AGO2: variants seen among roughly 807,000 people sequenced by gnomAD.
AGO2 encodes the protein protein argonaute-2.
In AGO2, 5 loss-of-function variants were observed where a neutral mutation model predicts 102.3. The ratio of observed to expected loss-of-function variants is 0.05; its 90% CI spans 0.03 to 0.10. The LOEUF is 0.10. Ranked by LOEUF, AGO2 falls within the 10% of genes least tolerant of loss-of-function variation. AGO2 has a pLI of 1.00. For synonymous variants in AGO2, 449 were observed against 473.1 expected, an observed-to-expected ratio of 0.95 and a Z score of 0.66; for missense variants, 541 against 1,183.7, an observed-to-expected ratio of 0.46 and a Z score of 7.97.
chr8:140,561,576 G>T (rs2073203011), intron 4 of AGO2, among the ~76,000 whole-genome samples: 1 of 152,156 alleles, frequency 6.6e-6, no homozygotes, highest in East Asian at 1.9e-4. Context: ...GATTACACGT[G>T]GGGGAAGGTG....
intron 3 of AGO2, among the ~76,000 whole-genome samples, chr8:140,564,105 G>A (rs2073243768): frequency 6.6e-6 from 1 of 152,232 alleles, no homozygotes; most frequent in Admixed American, 6.5e-5. Flanking sequence ...AGGGAAAAAG[G>A]ATCGAATCCT....
At chr8:140,603,297 C>A (rs775812114) in intron 1 of AGO2, among the ~76,000 whole-genome samples, 1 of 152,306 alleles carries the variant, frequency 6.6e-6, no homozygotes, top group African/African-American at 2.4e-5. Flanking sequence ...GCCTCCACAC[C>A]GGGCTGTGTT....
intron 1 of AGO2, among the ~76,000 whole-genome samples, chr8:140,616,737 C>A (rs2074146950): frequency 6.6e-6 from 1 of 152,202 alleles, no homozygotes; most frequent in African/African-American, 2.4e-5. Context: ...CTGCCCAATA[C>A]CAGGCTCACA....
At chr8:140,596,418 T>C (rs1240130783) in intron 1 of AGO2, among the ~76,000 whole-genome samples, 1 of 152,176 alleles carries the variant, frequency 6.6e-6, no homozygotes, top group Non-Finnish European at 1.5e-5. Context: ...ACCCCGTCTC[T>C]ACTAAAAATA....
upstream of AGO2, among the ~76,000 whole-genome samples, chr8:140,638,572 A>C (rs1293536997): frequency 2.6e-5 from 4 of 152,226 alleles, no homozygotes; most frequent in African/African-American, 4.8e-5. Context: ...CAGCTCTAAT[A>C]GTCTATGATT....
chr8:140,616,170 C>G (rs1012738497), intron 1 of AGO2, among the ~76,000 whole-genome samples: 15 of 152,320 alleles, frequency 9.8e-5, no homozygotes, highest in African/African-American at 3.6e-4. Context: ...CTCAGGGAAC[C>G]CTAACCGCCA....
chr8:140,533,116 C>A (rs377304570), intron 17 of AGO2, among the ~76,000 whole-genome samples: 5 of 149,170 alleles, frequency 3.4e-5, no homozygotes, highest in African/African-American at 9.9e-5. Context: ...CAGGCTGGGC[C>A]CGGTGGCTCA....
intron 4 of AGO2, among the ~76,000 whole-genome samples, chr8:140,560,951 G>A (rs949186042): frequency 2.6e-5 from 4 of 152,246 alleles, no homozygotes; most frequent in African/African-American, 7.2e-5. Context: ...GTGGGGAGAC[G>A]TGTTGCTTCT....
At chr8:140,554,270 C>T (rs1432460898) in intron 10 of AGO2, among the ~76,000 whole-genome samples, 1 of 152,178 alleles carries the variant, frequency 6.6e-6, no homozygotes, top group Non-Finnish European at 1.5e-5. Context: ...GTTTATACAG[C>T]ATCTGGGGCC....
chr8:140,628,542 C>T (rs2074303424), intron 1 of AGO2, among the ~76,000 whole-genome samples: 1 of 152,216 alleles, frequency 6.6e-6, no homozygotes, highest in African/African-American at 2.4e-5. Context: ...TGGTGGCTCA[C>T]ACCTGTAATC....
At chr8:140,561,649 G>A (rs561016276) in intron 4 of AGO2, among the ~76,000 whole-genome samples, 12 of 152,202 alleles carry the variant, frequency 7.9e-5, no homozygotes, top group Non-Finnish European at 1.6e-4. Context: ...CCTGAAGACT[G>A]AGAACACCAT....
intron 2 of AGO2, among the ~76,000 whole-genome samples, chr8:140,573,201 CT>C (rs1203545333): frequency 1.3e-5 from 2 of 151,908 alleles, no homozygotes; most frequent in Admixed American, 1.3e-4. Flanking sequence ...CGGAGTTTCG[CT>C]CTTGTTGCCC....
intron 1 of AGO2, among the ~76,000 whole-genome samples, chr8:140,621,104 C>T (rs533077063): frequency 1.7e-4 from 26 of 152,160 alleles, no homozygotes; most frequent in Admixed American, 1.7e-3. Flanking sequence ...CACATTTGCT[C>T]CATCTCTCCA....
intron 1 of AGO2, among the ~76,000 whole-genome samples, chr8:140,616,119 G>A (rs997228562): frequency 2.0e-5 from 3 of 152,134 alleles, no homozygotes; most frequent in African/African-American, 2.4e-5. Flanking sequence ...AACCAAGCCC[G>A]TGAGGCTCCC....
intron 3 of AGO2, among the ~76,000 whole-genome samples, chr8:140,571,261 T>C (rs1259605632): frequency 6.6e-6 from 1 of 152,168 alleles, no homozygotes; most frequent in Non-Finnish European, 1.5e-5. Flanking sequence ...ACGTTCTCCC[T>C]TTGTCAGAGC....
chr8:140,621,255 G>A (rs1256908628), intron 1 of AGO2, among the ~76,000 whole-genome samples: 1 of 152,186 alleles, frequency 6.6e-6, no homozygotes, highest in Non-Finnish European at 1.5e-5. Context: ...TTCCCTGGCA[G>A]CCTCTGGCCG....
intron 8 of AGO2, 116 bp downstream of exon 8, chr8:140,556,973 G>C (rs2073107061): frequency 7.1e-7 from 1 of 1,405,820 alleles, no homozygotes; most frequent in African/African-American, 1.4e-5. Flanking sequence ...TGCAGCAGCA[G>C]AGGCAGTGCC....
At position 140,609,194 on chromosome 8, in the gene AGO2, G is replaced by T. The variant is rs551304976; in HGVS notation, c.23-23883C>A. 1.5e-4 allele frequency among the ~76,000 whole-genome samples: 23 copies of T among 152,372 alleles called. No homozygotes were observed. The South Asian group carries it at 2.5e-3, about 16-fold the overall frequency. ...AGCGTGAGCCAAGTGCTGAGCGGCT[G>T]CAGAGAGGACTGCGGGATCCTCAGC... On this transcript the variant is annotated intron_variant, in intron 1 of 18. Transcript: ENST00000220592.
At position 140,558,473 on chromosome 8, in the gene AGO2, A is replaced by C; in HGVS notation, c.878+12T>G. Reference sequence around the variant, plus strand: ...CCCCAGCCAAGAGAGTCTGAAAGGAAGGGCGTGTTACGTTTGGTGACTGGC... The same window carrying C: ...CCCCAGCCAAGAGAGTCTGAAAGGACGGGCGTGTTACGTTTGGTGACTGGC... On this transcript the variant is annotated intron_variant, in intron 7 of 18. Coordinates refer to ENST00000220592, the MANE Select transcript of AGO2 (RefSeq NM_012154.5). 3 of 1,614,138 alleles carry C rather than the reference A, an allele frequency of 1.9e-6. 1 individual carries two copies. Among genetic ancestry groups the C allele is most frequent in the Non-Finnish European group, 2.5e-6 (3 of 1,179,946 alleles).
Sources: gnomAD v4.1 joint callset for allele counts (sites outside exome capture counted in the v4.1 genomes callset) on GRCh38, gnomAD v4.1.1 for gene constraint, MANE v1.5 for transcripts, NCBI Gene and HGNC (gene_info 2026-07-23, HGNC 2026-07-21) for gene names.